The following CLTCL1 variants were observed in gnomAD, a reference collection of about 807,000 sequenced individuals.
CLTCL1 encodes the protein clathrin heavy chain like 1, also known as clathrin heavy chain 2.
CLTCL1 carries 159 observed loss-of-function variants against 190.0 expected under a neutral mutation model. The observed-to-expected ratio is 0.84, with a 90% CI of 0.74 to 0.95. The LOEUF (loss-of-function observed/expected upper bound fraction) is 0.95, where lower values mean the gene tolerates loss of function less well. CLTCL1 is among the 40% of genes least tolerant of loss of function. The pLI, the probability that CLTCL1 is intolerant of heterozygous loss-of-function variation, is 0.00. For missense variants in CLTCL1, 1,878 were observed against 2,033.4 expected (o/e 0.92, Z 1.47); for synonymous variants, 752 against 769.6 (o/e 0.98, Z 0.38).
chr22:19,180,804 C>T lies in CLTCL1; in HGVS notation c.4830G>A (p.Val1610=), dbSNP rs1015205202. The change falls in exon 31 of 33, where the codon GTG becomes GTA. Residue 1610 remains valine, a splice_region_variant and synonymous_variant. Transcript: ENST00000427926. ...IQVMREYLSK[V]DKLDALESLR... ...GACTCTCCAAGGCATCCAGTTTGTC[C>T]ACCTGCAAGGAGGCAAAAGCACGTG... 1.2e-6 allele frequency: 2 copies of T among 1,613,660 alleles called. No homozygotes were observed. The highest frequency in any genetic ancestry group is 1.1e-5 in the South Asian group (1 of 91,096).
At chr22:19,187,910 T>C in intron 28 of CLTCL1, 71 bp downstream of exon 28, 1 of 1,498,220 alleles carries the variant, frequency 6.7e-7, no homozygotes, top group East Asian at 2.3e-5. Context: ...CAGCCTGCTT[T>C]GAGAACAGAA....
intron 27 of CLTCL1, among the ~76,000 whole-genome samples, chr22:19,190,326 C>T (rs2084451358): frequency 6.6e-6 from 1 of 152,162 alleles, no homozygotes; most frequent in East Asian, 1.9e-4. Context: ...GGAAGAGGGA[C>T]CAGGGCACGG....
At position 19,289,932 on chromosome 22, in the gene CLTCL1, G is replaced by T. The variant is rs537823930; in HGVS notation, c.42+1668C>A. Among the ~76,000 whole-genome samples, 21 of 152,304 alleles carry T rather than the reference G, an allele frequency of 1.4e-4. No individual in the cohort carries two copies. In the South Asian group the frequency reaches 1.9e-3, roughly 14 times the overall value. Reference sequence around the variant, plus strand: ...GATTTAAGGAACAGGCTGAAGTCTCGAAATGTCTGTAGTGAAGGCAGTGTG... The same window carrying T: ...GATTTAAGGAACAGGCTGAAGTCTCTAAATGTCTGTAGTGAAGGCAGTGTG... On this transcript the variant is annotated intron_variant, in intron 1 of 32. Coordinates refer to ENST00000427926, the MANE Select transcript of CLTCL1 (RefSeq NM_007098.4).
intron 24 of CLTCL1, among the ~76,000 whole-genome samples, chr22:19,199,427 C>T (rs943386849): frequency 3.9e-5 from 6 of 152,318 alleles, no homozygotes; most frequent in Middle Eastern, 3.4e-3. Context: ...CTCAGCAACC[C>T]TCCAAGGGTT....
chr22:19,263,770 A>G (rs1349022666), intron 2 of CLTCL1, among the ~76,000 whole-genome samples: 3 of 152,220 alleles, frequency 2.0e-5, no homozygotes, highest in Non-Finnish European at 4.4e-5. Context: ...ATGCTATTTC[A>G]CACTTAATAG....
chr22:19,285,016 C>T (rs60911949), intron 1 of CLTCL1, among the ~76,000 whole-genome samples: 30,248 of 151,782 alleles, frequency 0.2, 3,113 homozygotes, highest in African/African-American at 0.23. Flanking sequence ...TGGCTCACGC[C>T]TGTAATCCCA....
intron 4 of CLTCL1, among the ~76,000 whole-genome samples, chr22:19,242,200 C>T (rs9618514): frequency 5.9e-5 from 9 of 152,054 alleles, no homozygotes; most frequent in African/African-American, 2.2e-4. Flanking sequence ...ACCTCGGCCT[C>T]CCAAACTGCT....
intron 2 of CLTCL1, among the ~76,000 whole-genome samples, chr22:19,273,693 T>C (rs1245817387): frequency 6.6e-6 from 1 of 152,130 alleles, no homozygotes. Context: ...TAGTCTTCCC[T>C]CCCTAATAGA....
At chr22:19,237,977 A>C (rs2086131592) in intron 5 of CLTCL1, among the ~76,000 whole-genome samples, 1 of 152,236 alleles carries the variant, frequency 6.6e-6, no homozygotes, top group Non-Finnish European at 1.5e-5. Context: ...AGGAGAGTAG[A>C]TTATATAATC....
At chr22:19,187,038 C>T (rs944672075) in intron 29 of CLTCL1, among the ~76,000 whole-genome samples, 4 of 150,838 alleles carry the variant, frequency 2.7e-5, no homozygotes, top group Middle Eastern at 3.2e-3. Flanking sequence ...CTCAAGTGAT[C>T]CTCCCTTCTC....
chr22:19,237,164 A>C (rs1227740978), intron 5 of CLTCL1, among the ~76,000 whole-genome samples: 2 of 152,156 alleles, frequency 1.3e-5, no homozygotes, highest in Non-Finnish European at 2.9e-5. Flanking sequence ...AAGTACAAAA[A>C]GCTCTTACGA....
chr22:19,236,877 G>A (rs1350144983), intron 5 of CLTCL1, among the ~76,000 whole-genome samples: 1 of 152,078 alleles, frequency 6.6e-6, no homozygotes, highest in Non-Finnish European at 1.5e-5. Flanking sequence ...CTAGCTATCT[G>A]GAGATGGAGG....
intron 1 of CLTCL1, 63 bp from the exon 2 acceptor site, chr22:19,275,893 A>G (rs1314826505): frequency 3.2e-5 from 43 of 1,354,982 alleles, no homozygotes; most frequent in African/African-American, 4.4e-5. Context: ...CTGTAGCCAA[A>G]GGCAAAAGAG....
chr22:19,291,533 A>C lies in CLTCL1; in HGVS notation c.42+67T>G, dbSNP rs562184311. ...TCAGCGGGGCTGGGGGCGCGGGGTC[A>C]AGCCTGGCAGTCCGGCCCGGCGGAG... is the stretch of plus-strand genomic sequence containing the variant. On this transcript the variant is annotated intron_variant, in intron 1 of 32. Transcript: ENST00000427926. 120 of 1,279,302 alleles carry C rather than the reference A, an allele frequency of 9.4e-5. No homozygotes were observed. The African/African-American group carries it at 1.8e-3, about 19-fold the overall frequency. 79.2% of individuals were successfully genotyped at this position (1,279,302 alleles called of 1,614,324 possible). A position where few individuals can be genotyped will look rare whatever the true frequency, so the allele number is the denominator to read the frequency against.
At chr22:19,291,568 A>C in intron 1 of CLTCL1, 32 bp downstream of exon 1, 2 of 1,342,194 alleles carry the variant, frequency 1.5e-6, no homozygotes, top group Admixed American at 3.4e-5. Context: ...GGCGCGGCTG[A>C]CAGGGCAGCC....
intron 2 of CLTCL1, among the ~76,000 whole-genome samples, chr22:19,273,018 G>A (rs1186835839): frequency 6.6e-6 from 1 of 152,036 alleles, no homozygotes; most frequent in African/African-American, 2.4e-5. Flanking sequence ...GCCAAAATGG[G>A]AAAAATCTGT....
chr22:19,278,734 T>C (rs547466203), intron 1 of CLTCL1, among the ~76,000 whole-genome samples: 2 of 152,190 alleles, frequency 1.3e-5, no homozygotes, highest in African/African-American at 4.8e-5. Flanking sequence ...ATCAGATTAG[T>C]GGGGTTTTTG....
rs1555957976 is a variant in CLTCL1, at chr22:19,229,902, T to C, written c.1718A>G (p.Asn573Ser). Residue 573 changes from asparagine to serine, a missense_variant, in exon 11 of 33, where the codon AAT (asparagine) becomes AGT (serine). Physicochemically the swap from Asn to Ser is conservative, Grantham distance 46. Transcript: ENST00000427926. Reference sequence around the variant, plus strand: ...CTGCAGGAGTCCCTCAGCTGGGCGATTATTCTTCAAGGCATCCAATAAGAA... The same window carrying C: ...CTGCAGGAGTCCCTCAGCTGGGCGACTATTCTTCAAGGCATCCAATAAGAA... Reference protein sequence around the residue: ...TSFLLDALKNNRPAEGLLQTW... With the variant: ...TSFLLDALKNSRPAEGLLQTW... The C allele has an allele frequency of 1.9e-6, 3 of 1,612,090 alleles. No individual in the cohort carries two copies. Among genetic ancestry groups the C allele is most frequent in the East Asian group, 2.2e-5 (1 of 44,834 alleles).
chr22:19,255,679 G>A (rs1424636591), intron 2 of CLTCL1, among the ~76,000 whole-genome samples: 3 of 151,966 alleles, frequency 2.0e-5, no homozygotes, highest in African/African-American at 7.3e-5. Context: ...GGAAGCTGAG[G>A]CAGGTAGATT....
Sources: gnomAD v4.1 joint callset for allele counts (sites outside exome capture counted in the v4.1 genomes callset) on GRCh38, gnomAD v4.1.1 for gene constraint, MANE v1.5 for transcripts, NCBI Gene and HGNC (gene_info 2026-07-23, HGNC 2026-07-21) for gene names.